The following ENTREP2 variants were observed in gnomAD, a reference collection of about 807,000 sequenced individuals.
ENTREP2 encodes the protein endosomal transmembrane epsin interactor 2.
At chr15:29,570,471 C>A in the ENTREP2 span, 1 of 1,237,964 alleles carries the variant, frequency 8.1e-7, no homozygotes, top group Non-Finnish European at 1.0e-6. Context: ...GCGCAGTCCC[C>A]GGAGCCCGTC....
the ENTREP2 span, among the ~76,000 whole-genome samples, chr15:29,584,471 G>A: frequency 6.6e-6 from 1 of 151,760 alleles, no homozygotes; most frequent in Non-Finnish European, 1.5e-5. Flanking sequence ...GTATGAAATG[G>A]AATATTATTC....
At chr15:29,375,330 T>C in the ENTREP2 span, 2 of 152,234 alleles carry the variant, frequency 1.3e-5, no homozygotes, top group Non-Finnish European at 2.9e-5. Flanking sequence ...TGGCCTCAGT[T>C]TCTCTACCTA....
chr15:29,261,886 A>T, the ENTREP2 span, among the ~76,000 whole-genome samples: 2 of 151,694 alleles, frequency 1.3e-5, no homozygotes, highest in Non-Finnish European at 2.9e-5. Flanking sequence ...TGAATTAGAA[A>T]TGAAAATCAA....
the ENTREP2 span, among the ~76,000 whole-genome samples, chr15:29,169,878 A>G: frequency 6.6e-6 from 1 of 152,222 alleles, no homozygotes; most frequent in Non-Finnish European, 1.5e-5. Context: ...AAGACAGGCA[A>G]AAGAAGTAAA....
the ENTREP2 span, among the ~76,000 whole-genome samples, chr15:29,327,935 TC>T: frequency 6.6e-6 from 1 of 152,224 alleles, no homozygotes; most frequent in African/African-American, 2.4e-5. Flanking sequence ...GATCCAGCAA[TC>T]ATATTCCTAG....
At chr15:29,245,984 T>A in the ENTREP2 span, among the ~76,000 whole-genome samples, 1 of 152,158 alleles carries the variant, frequency 6.6e-6, no homozygotes, top group Admixed American at 6.6e-5. Context: ...GATTTTTTTC[T>A]CTAGATCTGT....
chr15:29,217,864 A>T, the ENTREP2 span, among the ~76,000 whole-genome samples: 31 of 152,106 alleles, frequency 2.0e-4, no homozygotes, highest in African/African-American at 6.8e-4. Context: ...ATTCCTTCTC[A>T]TTTGGGTAGG....
the ENTREP2 span, among the ~76,000 whole-genome samples, chr15:29,153,717 G>A: frequency 5.9e-5 from 9 of 152,304 alleles, no homozygotes; most frequent in Non-Finnish European, 1.3e-4. Flanking sequence ...TTGGTGTCAA[G>A]TCTAAAACTT....
the ENTREP2 span, among the ~76,000 whole-genome samples, chr15:29,394,095 T>G: frequency 1.3e-5 from 2 of 152,196 alleles, no homozygotes; most frequent in African/African-American, 2.4e-5. Flanking sequence ...TATAAGGTTT[T>G]TTAAAAGGCA....
At chr15:29,247,771 A>G in the ENTREP2 span, among the ~76,000 whole-genome samples, 1 of 152,252 alleles carries the variant, frequency 6.6e-6, no homozygotes, top group East Asian at 1.9e-4. Flanking sequence ...GACTGAATTC[A>G]GTCTGGTAGG....
the ENTREP2 span, among the ~76,000 whole-genome samples, chr15:29,392,074 C>T: frequency 2.6e-5 from 4 of 151,990 alleles, no homozygotes; most frequent in African/African-American, 9.7e-5. Context: ...GTGATCTGCC[C>T]GCCTCAGCCT....
At chr15:29,310,234 G>A in the ENTREP2 span, among the ~76,000 whole-genome samples, 11 of 152,314 alleles carry the variant, frequency 7.2e-5, no homozygotes, top group Middle Eastern at 3.4e-3. Flanking sequence ...CTGAGAATTC[G>A]CACTAATACC....
At chr15:29,203,613 A>G in the ENTREP2 span, among the ~76,000 whole-genome samples, 55 of 152,166 alleles carry the variant, frequency 3.6e-4, no homozygotes, top group African/African-American at 1.3e-3. Flanking sequence ...GAAAACATTT[A>G]AAATCTACTC....
the ENTREP2 span, among the ~76,000 whole-genome samples, chr15:29,262,912 C>A: frequency 6.6e-6 from 1 of 152,178 alleles, no homozygotes; most frequent in East Asian, 1.9e-4. Flanking sequence ...CAGCTGGTAT[C>A]TGCTGCTTCC....
the ENTREP2 span, among the ~76,000 whole-genome samples, chr15:29,428,994 C>T: frequency 2.0e-5 from 3 of 152,198 alleles, no homozygotes; most frequent in African/African-American, 7.2e-5. Context: ...CTGACATACC[C>T]AGATCTATTT....
At chr15:29,134,650 G>A in the ENTREP2 span, among the ~76,000 whole-genome samples, 1 of 152,226 alleles carries the variant, frequency 6.6e-6, no homozygotes, top group Non-Finnish European at 1.5e-5. Flanking sequence ...AGACCACCCT[G>A]CCTGCAACGG....
chr15:29,553,245 G>A, the ENTREP2 span, among the ~76,000 whole-genome samples: 1 of 152,170 alleles, frequency 6.6e-6, no homozygotes, highest in South Asian at 2.1e-4. Flanking sequence ...GCAGTGAGCT[G>A]AGATCGCACC....
chr15:29,514,875 G>A, the ENTREP2 span, among the ~76,000 whole-genome samples: 1 of 152,140 alleles, frequency 6.6e-6, no homozygotes, highest in East Asian at 1.9e-4. Flanking sequence ...GTTTTCAGAG[G>A]CACTTGTCAG....
chr15:29,617,281 C>G, the ENTREP2 span, among the ~76,000 whole-genome samples: 2 of 151,984 alleles, frequency 1.3e-5, no homozygotes, highest in Non-Finnish European at 2.9e-5. Context: ...ATGCACACGT[C>G]CAAGGGCTGG....
Sources: gnomAD v4.1 joint callset for allele counts (sites outside exome capture counted in the v4.1 genomes callset) on GRCh38, gnomAD v4.1.1 for gene constraint, MANE v1.5 for transcripts, NCBI Gene and HGNC (gene_info 2026-07-23, HGNC 2026-07-21) for gene names.